The following CAMKK2 variants were observed in gnomAD, a reference collection of about 807,000 sequenced individuals.
CAMKK2 encodes calcium/calmodulin dependent protein kinase kinase 2.
CAMKK2 carries 30 observed loss-of-function variants against 67.2 expected under a neutral mutation model. The ratio of observed to expected loss-of-function variants is 0.45; its 90% confidence interval spans 0.33 to 0.61. CAMKK2 has a LOEUF of 0.61. Ranked by LOEUF, CAMKK2 falls within the 20% of genes least tolerant of loss-of-function variation. The pLI is 0.02. For synonymous variants in CAMKK2, 322 were observed against 326.2 expected (o/e 0.99, Z 0.14); for missense variants, 643 against 802.0 (o/e 0.80, Z 2.39).
intron 1 of CAMKK2, among the ~76,000 whole-genome samples, chr12:121,281,520 C>A (rs1245298282): frequency 6.6e-6 from 1 of 152,238 alleles, no homozygotes; most frequent in Non-Finnish European, 1.5e-5. Context: ...GAAATGCGTT[C>A]ATTCATTCAT....
rs202139396 is a variant in CAMKK2 at position 121,239,995 on chromosome 12, T to A, written c.*704A>T. 6.7e-5 allele frequency: 11 copies of A among 163,550 alleles called. No homozygotes were observed. The highest frequency in any genetic ancestry group is 1.5e-4 in the Non-Finnish European group (11 of 74,228). 10.1% of individuals were successfully genotyped at this position (163,550 alleles called of 1,614,324 possible). A position where few individuals can be genotyped will look rare whatever the true frequency, so the allele number is the denominator to read the frequency against. The stretch of plus-strand genomic sequence containing the variant: ...CTGTCATGAAGAAACACGTTCAGTC[T>A]TTCAGGAGAAATGTTTCCCCACCAC... On this transcript the variant is annotated 3_prime_UTR_variant, in exon 17 of 17. Transcript: ENST00000404169.
intron 5 of CAMKK2, among the ~76,000 whole-genome samples, chr12:121,268,099 T>TATATATATATATATATATATAC (rs755449965): frequency 5.6e-5 from 8 of 143,512 alleles, no homozygotes; most frequent in East Asian, 4.0e-4. Flanking sequence ...TATATATATA[T>TATATATATATATATATATATAC]ACTCTATTCA....
At chr12:121,287,020 C>T (rs1194205880) in intron 1 of CAMKK2, among the ~76,000 whole-genome samples, 1 of 152,132 alleles carries the variant, frequency 6.6e-6, no homozygotes, top group Non-Finnish European at 1.5e-5. Flanking sequence ...ATCCTCCCAC[C>T]TTACCTCCCA....
rs1303095992 is a variant in CAMKK2, at chr12:121,296,525, G to A, written c.-60+113C>T. Reference sequence around the variant, plus strand: ...GTTGGGAGCCCCAGGCCAGCCTCCGGGCTTTGTGTGCCATGCCGGCGGCGG... The same window carrying A: ...GTTGGGAGCCCCAGGCCAGCCTCCGAGCTTTGTGTGCCATGCCGGCGGCGG... On this transcript the variant is annotated intron_variant, in intron 1 of 16. Transcript: ENST00000404169. This position sits in a 1 kb window ranked among gnomAD's most constrained non-coding sequence, Gnocchi z 7.1. 1.3e-5 allele frequency: 2 copies of A among 152,048 alleles called. No homozygotes were observed. Among genetic ancestry groups the A allele is most frequent in the African/African-American group, 4.8e-5 (2 of 41,416 alleles). 9.4% of individuals were successfully genotyped at this position (152,048 alleles called of 1,614,324 possible).
At position 121,240,972 on chromosome 12, in the gene CAMKK2, G is replaced by A. The variant is rs981029830; in HGVS notation, c.1597-103C>T. ...GGGCCCCCTGCCCAAGTGGGCCGTC[G>A]CGCACCCCCTGGAACGTGATCTACG... is the stretch of plus-strand genomic sequence containing the variant. On this transcript the variant is annotated intron_variant, in intron 16 of 16. Coordinates refer to ENST00000404169, the MANE Select transcript of CAMKK2 (RefSeq NM_001270485.2). This position sits in a 1 kb window ranked among gnomAD's most constrained non-coding sequence, Gnocchi z 4.4. 4.4e-6 allele frequency: 5 copies of A among 1,132,074 alleles called. No individual in the cohort carries two copies. The highest frequency in any genetic ancestry group is 3.1e-5 in the African/African-American group (2 of 64,794). 70.1% of individuals were successfully genotyped at this position (1,132,074 alleles called of 1,614,324 possible). A position where few individuals can be genotyped will look rare whatever the true frequency, so the allele number is the denominator to read the frequency against.
chr12:121,252,523 G>T, intron 11 of CAMKK2, 138 bp downstream of exon 11: 2 of 707,010 alleles, frequency 2.8e-6, no homozygotes, highest in Non-Finnish European at 4.7e-6. Flanking sequence ...CTCCCAAAGT[G>T]CTGGGTTTAC....
At chr12:121,260,279 G>T in intron 7 of CAMKK2, 40 bp downstream of exon 7, 1 of 1,574,478 alleles carries the variant, frequency 6.4e-7, no homozygotes, top group South Asian at 1.2e-5. Context: ...GGCAGGTGTG[G>T]TGCCTGGGTG....
At position 121,274,116 on chromosome 12, in the gene CAMKK2, C is replaced by G; in HGVS notation, c.411G>C (p.Ser137=). Residue 137 remains serine (S), a synonymous_variant, in exon 2 of 17, where the codon TCG becomes TCC. Transcript: ENST00000404169. ...PYSPVSSPQS[S]PRLPRRPTVE... ...CTGTCGGCCGCCGGGGCAGCCGAGG[C>G]GAGGACTGCGGGGAGCTGACGGGTG... is the stretch of plus-strand genomic sequence containing the variant. 1 of 1,556,950 alleles carries G rather than the reference C, an allele frequency of 6.4e-7. No individual in the cohort carries two copies. Among genetic ancestry groups the G allele is most frequent in the Non-Finnish European group, 8.7e-7 (1 of 1,150,372 alleles).
In CAMKK2 at chr12:121,274,592, A is replaced by C; in HGVS notation, c.-59-7T>G. 8.6e-7 allele frequency: 1 copy of C among 1,167,296 alleles called. No homozygotes were observed. Among genetic ancestry groups the C allele is most frequent in the Non-Finnish European group, 1.2e-6 (1 of 832,586 alleles). 72.3% of individuals were successfully genotyped at this position (1,167,296 alleles called of 1,614,324 possible). On this transcript the variant is annotated splice_polypyrimidine_tract_variant and splice_region_variant and intron_variant, in intron 1 of 16. Transcript: ENST00000404169. ...CATCCGGCAGCGGAGCCACCTGCAGAAAGAGAAAGGGTCAGCTGGCCCAGC... is the reference window on the plus strand; with the variant it reads ...CATCCGGCAGCGGAGCCACCTGCAGCAAGAGAAAGGGTCAGCTGGCCCAGC...
At chr12:121,254,755 G>A (rs1891508992) in intron 9 of CAMKK2, among the ~76,000 whole-genome samples, 1 of 152,152 alleles carries the variant, frequency 6.6e-6, no homozygotes, top group African/African-American at 2.4e-5. Context: ...GTTTTGGCTC[G>A]CCTGGACCAT....
intron 16 of CAMKK2, among the ~76,000 whole-genome samples, chr12:121,241,430 G>A (rs1424990599): frequency 1.3e-5 from 2 of 152,234 alleles, no homozygotes; most frequent in African/African-American, 4.8e-5. Context: ...AGCCCTGAGG[G>A]AGGAGCACCT....
chr12:121,279,897 C>T (rs1897447655), intron 1 of CAMKK2, among the ~76,000 whole-genome samples: 1 of 152,238 alleles, frequency 6.6e-6, no homozygotes, highest in South Asian at 2.1e-4. Flanking sequence ...TTCTCATTTC[C>T]TAGGGGCTGT....
At chr12:121,258,809 C>G (rs1334885816) in intron 7 of CAMKK2, among the ~76,000 whole-genome samples, 1 of 151,838 alleles carries the variant, frequency 6.6e-6, no homozygotes, top group Non-Finnish European at 1.5e-5. Context: ...TCAAACCCCC[C>G]AATGGCTTCC....
At position 121,266,792 on chromosome 12, in the gene CAMKK2, G is replaced by C. The variant is rs141236717; in HGVS notation, c.625+1846C>G. 6.4e-3 allele frequency among the ~76,000 whole-genome samples: 975 copies of C among 151,716 alleles called. 8 individuals carry two copies. Among genetic ancestry groups the C allele is most frequent in the African/African-American group, 0.023 (950 of 41,404 alleles). ...CAGGCATGAGCCACCATGCCTGGCT[G>C]TTTGTTCTTATCTAATTTCTCTTTT... On this transcript the variant is annotated intron_variant, in intron 5 of 16. Transcript: ENST00000404169.
In CAMKK2 at chr12:121,253,678, A is replaced by G. The variant is rs1159267713; in HGVS notation, c.908-206T>C. On this transcript the variant is annotated intron_variant, in intron 9 of 16. Transcript: ENST00000404169. This position sits in a 1 kb window ranked among gnomAD's most constrained non-coding sequence, Gnocchi z 5.0. ...GATGAGGGGAAAAGTGTCTTCAAGG[A>G]AGTCCCAGCCCACCATCACCCCACC... Among the ~76,000 whole-genome samples the G allele has an allele frequency of 1.3e-5, 2 of 152,168 alleles. No homozygotes were observed. Among genetic ancestry groups the G allele is most frequent in the Non-Finnish European group, 2.9e-5 (2 of 68,034 alleles).
intron 6 of CAMKK2, among the ~76,000 whole-genome samples, chr12:121,262,169 A>G (rs2136312931): frequency 6.6e-6 from 1 of 152,350 alleles, no homozygotes; most frequent in South Asian, 2.1e-4. Context: ...ACCCAAAAAA[A>G]GGCAAAAATG....
chr12:121,243,863 T>C, intron 16 of CAMKK2: 2 of 1,345,818 alleles, frequency 1.5e-6, no homozygotes, highest in Non-Finnish European at 1.9e-6. Context: ...TGCCTGGAGC[T>C]CCCACCAAGT....
intron 1 of CAMKK2, among the ~76,000 whole-genome samples, chr12:121,276,164 A>C (rs2136465263): frequency 6.6e-6 from 1 of 150,546 alleles, no homozygotes; most frequent in East Asian, 2.0e-4. Flanking sequence ...CATCTCAAAA[A>C]AAAAAAAAAA....
At chr12:121,278,734 G>A (rs1897232925) in intron 1 of CAMKK2, among the ~76,000 whole-genome samples, 1 of 152,220 alleles carries the variant, frequency 6.6e-6, no homozygotes, top group South Asian at 2.1e-4. Flanking sequence ...GGAACTATAA[G>A]TCCAGTTAAA....
Sources: gnomAD v4.1 joint callset for allele counts (sites outside exome capture counted in the v4.1 genomes callset) on GRCh38, gnomAD v4.1.1 for gene constraint, Gnocchi (gnomAD v3.1) non-coding constraint, MANE v1.5 for transcripts, NCBI Gene and HGNC (gene_info 2026-07-23, HGNC 2026-07-21) for gene names.